The following MTSS1 variants were observed in gnomAD, a reference collection of about 807,000 sequenced individuals.
MTSS1 encodes the protein protein MTSS 1.
A neutral mutation model predicts 79.0 loss-of-function variants in MTSS1; 18 were observed. The observed-to-expected ratio is 0.23, with a 90% confidence interval of 0.16 to 0.34. The LOEUF is 0.34. Ranked by LOEUF, MTSS1 falls within the 10% of genes least tolerant of loss-of-function variation. The pLI is 1.00. For missense variants in MTSS1, 815 were observed against 986.2 expected (o/e 0.83, Z 2.33); for synonymous variants, 341 against 368.6 (o/e 0.93, Z 0.86).
chr8:124,580,224 C>A, intron 6 of MTSS1: 1 of 294,748 alleles, frequency 3.4e-6, no homozygotes, highest in South Asian at 4.8e-5. Flanking sequence ...TATATGTATG[C>A]AAAAATGCTT....
At chr8:124,630,802 C>A (rs559883533) in intron 3 of MTSS1, among the ~76,000 whole-genome samples, 12 of 152,258 alleles carry the variant, frequency 7.9e-5, no homozygotes, top group African/African-American at 2.6e-4. Flanking sequence ...AAAAAAATGA[C>A]CAGCTGGCTC....
At chr8:124,589,584 G>A (rs780713911) in intron 5 of MTSS1, 36 bp downstream of exon 5, 2 of 1,543,898 alleles carry the variant, frequency 1.3e-6, no homozygotes, top group Admixed American at 1.8e-5. Context: ...GCGCCCCCCA[G>A]CGTGCAGTGA....
At chr8:124,581,425 TACAGATGGAA>T (rs1333224877) in intron 6 of MTSS1, among the ~76,000 whole-genome samples, 1 of 152,042 alleles carries the variant, frequency 6.6e-6, no homozygotes, top group Non-Finnish European at 1.5e-5. Context: ...TTTTTGTAGT[TACAGATGGAA>T]ACAGAAGGCT....
At chr8:124,673,739 C>T (rs1824734052) in intron 3 of MTSS1, among the ~76,000 whole-genome samples, 1 of 152,226 alleles carries the variant, frequency 6.6e-6, no homozygotes, top group African/African-American at 2.4e-5. Context: ...GTGTGTCGAG[C>T]AGAGGAAAGC....
Position 124,621,720 on chromosome 8 carries a change from T to C in MTSS1, c.209-30485A>G, listed in dbSNP as rs1242977678. On this transcript the variant is annotated intron_variant, in intron 3 of 13. Transcript: ENST00000518547. ...CACGCCACCACACCTAGCTAGTTTTTGTATTTTTAGTAGAGATGGGGTTTC... is the reference window on the plus strand; with the variant it reads ...CACGCCACCACACCTAGCTAGTTTTCGTATTTTTAGTAGAGATGGGGTTTC... Among the ~76,000 whole-genome samples, 2 of 152,300 alleles carry C rather than the reference T, an allele frequency of 1.3e-5. 1 individual carries two copies. Among genetic ancestry groups the C allele is most frequent in the South Asian group, 4.1e-4 (2 of 4,828 alleles).
chr8:124,597,438 G>T lies in MTSS1; in HGVS notation c.209-6203C>A, dbSNP rs927701362. The stretch of plus-strand genomic sequence containing the variant: ...AATACAAATTGTTTAATGCATATTT[G>T]GGGGGGTAGGGAGGAAATAAGAAAA... On this transcript the variant is annotated intron_variant, in intron 3 of 13. Coordinates refer to ENST00000518547, the MANE Select transcript of MTSS1 (RefSeq NM_014751.6). This position sits in a 1 kb window ranked among gnomAD's most constrained non-coding sequence, Gnocchi z 4.6. 3.3e-5 allele frequency among the ~76,000 whole-genome samples: 5 copies of T among 152,060 alleles called. No homozygotes were observed. The highest frequency in any genetic ancestry group is 7.3e-5 in the African/African-American group (3 of 41,356).
rs1212719602 is a variant in MTSS1 at position 124,597,203 on chromosome 8, C to T, written c.209-5968G>A. 6.6e-6 allele frequency among the ~76,000 whole-genome samples: 1 copy of T among 152,110 alleles called. No homozygotes were observed. Among genetic ancestry groups the T allele is most frequent in the African/African-American group, 2.4e-5 (1 of 41,412 alleles). On this transcript the variant is annotated intron_variant, in intron 3 of 13. Coordinates refer to ENST00000518547, the MANE Select transcript of MTSS1 (RefSeq NM_014751.6). This position sits in a 1 kb window ranked among gnomAD's most constrained non-coding sequence, Gnocchi z 4.6. ...CAGGGAACACTGTCCTGACAGCAAC[C>T]CTCTGTGGTAGGCATTATCAGCCCC...
At chr8:124,558,766 G>A (rs1824593169) in intron 10 of MTSS1, 2 of 1,584,812 alleles carry the variant, frequency 1.3e-6, no homozygotes, top group South Asian at 2.3e-5. Flanking sequence ...ACAGAGGTGG[G>A]GGAGCTGCAC....
At chr8:124,678,682 A>G (rs1015643128) in intron 3 of MTSS1, among the ~76,000 whole-genome samples, 4 of 152,222 alleles carry the variant, frequency 2.6e-5, no homozygotes, top group South Asian at 2.1e-4. Context: ...CGTAAGGATT[A>G]TAGGAGCTAC....
intron 3 of MTSS1, among the ~76,000 whole-genome samples, chr8:124,658,661 G>C (rs149984285): frequency 0.037 from 5,703 of 152,248 alleles, 135 homozygotes; most frequent in South Asian, 0.085. Flanking sequence ...GGCTGAAGCA[G>C]GAGGGAGAGA....
Position 124,597,444 on chromosome 8 carries a change from G to T in MTSS1, c.209-6209C>A, listed in dbSNP as rs60619528. On this transcript the variant is annotated intron_variant, in intron 3 of 13. Transcript: ENST00000518547. This position sits in a 1 kb window ranked among gnomAD's most constrained non-coding sequence, Gnocchi z 4.6. ...AATTGTTTAATGCATATTTGGGGGG[G>T]TAGGGAGGAAATAAGAAAAGCAAAG... Among the ~76,000 whole-genome samples the T allele has an allele frequency of 3.4e-3, 520 of 152,306 alleles. 2 individuals carry two copies. Among genetic ancestry groups the T allele is most frequent in the African/African-American group, 0.012 (491 of 41,566 alleles).
intron 3 of MTSS1, among the ~76,000 whole-genome samples, chr8:124,657,450 C>G (rs1179279511): frequency 1.1e-4 from 15 of 141,136 alleles, no homozygotes; most frequent in Admixed American, 7.2e-5. Flanking sequence ...TTTCTCAACA[C>G]ATGTGTTATT....
chr8:124,591,484 T>G (rs1831872491), intron 3 of MTSS1, among the ~76,000 whole-genome samples: 1 of 152,254 alleles, frequency 6.6e-6, no homozygotes. Flanking sequence ...TACCACACTC[T>G]GTTAGTTTCT....
At chr8:124,602,687 G>A (rs1410132391) in intron 3 of MTSS1, among the ~76,000 whole-genome samples, 4 of 152,130 alleles carry the variant, frequency 2.6e-5, no homozygotes, top group Admixed American at 2.6e-4. Context: ...CCAGGCAAGG[G>A]GCTAGCCAGA....
intron 1 of MTSS1, among the ~76,000 whole-genome samples, chr8:124,713,472 G>C (rs1015350044): frequency 1.3e-5 from 2 of 152,130 alleles, no homozygotes; most frequent in African/African-American, 2.4e-5. Flanking sequence ...ACTCAGGCTG[G>C]AGGTGCAGTG....
chr8:124,710,261 T>C (rs903488448), intron 1 of MTSS1, among the ~76,000 whole-genome samples: 2 of 152,124 alleles, frequency 1.3e-5, no homozygotes, highest in African/African-American at 4.8e-5. Context: ...AGACAGTGAG[T>C]GACATAAATT....
At chr8:124,712,652 G>C (rs1361806109) in intron 1 of MTSS1, among the ~76,000 whole-genome samples, 1 of 152,186 alleles carries the variant, frequency 6.6e-6, no homozygotes, top group Admixed American at 6.5e-5. Flanking sequence ...TTTATTCTCT[G>C]ATTGGGGGTT....
chr8:124,660,853 T>C (rs1267767898), intron 3 of MTSS1, among the ~76,000 whole-genome samples: 1 of 152,238 alleles, frequency 6.6e-6, no homozygotes, highest in African/African-American at 2.4e-5. Context: ...CTAAGCAGCC[T>C]GGTCCAGTGT....
At chr8:124,677,142 A>G (rs932163538) in intron 3 of MTSS1, among the ~76,000 whole-genome samples, 8 of 152,280 alleles carry the variant, frequency 5.3e-5, no homozygotes, top group Non-Finnish European at 1.0e-4. Flanking sequence ...GTCTTCCCCA[A>G]TCAAGACCCT....
Sources: gnomAD v4.1 joint callset for allele counts (sites outside exome capture counted in the v4.1 genomes callset) on GRCh38, gnomAD v4.1.1 for gene constraint, Gnocchi (gnomAD v3.1) non-coding constraint, MANE v1.5 for transcripts, NCBI Gene and HGNC (gene_info 2026-07-23, HGNC 2026-07-21) for gene names.